Variants in MYO1B observed in about 807,000 individuals in gnomAD.
The protein encoded by MYO1B is myosin IB.
A neutral mutation model predicts 159.7 loss-of-function variants in MYO1B; 72 were observed. The ratio of observed to expected loss-of-function variants is 0.45; its 90% CI spans 0.37 to 0.55. The LOEUF (loss-of-function observed/expected upper bound fraction) is 0.55. Among genes scored for constraint, MYO1B ranks in the 20% least tolerant of loss-of-function variants. The pLI, the probability that MYO1B is intolerant of heterozygous loss-of-function variation, is 0.00. For synonymous variants in MYO1B, 468 were observed against 473.8 expected (o/e 0.99, Z 0.16); for missense variants, 1,062 against 1,364.8 (o/e 0.78, Z 3.50).
chr2:191,275,776 A>C (rs1308224944), intron 1 of MYO1B, among the ~76,000 whole-genome samples: 4 of 152,270 alleles, frequency 2.6e-5, no homozygotes, highest in African/African-American at 9.6e-5. Context: ...AAACATTTAG[A>C]GAGAATGGCC....
At chr2:191,260,238 T>C (rs1474495647) in intron 1 of MYO1B, among the ~76,000 whole-genome samples, 1 of 146,188 alleles carries the variant, frequency 6.8e-6, no homozygotes, top group Non-Finnish European at 1.5e-5. Context: ...ATAATATTAC[T>C]TTTTTCCCAG....
At chr2:191,382,597 T>C (rs1425824262) in intron 14 of MYO1B, among the ~76,000 whole-genome samples, 1 of 152,198 alleles carries the variant, frequency 6.6e-6, no homozygotes, top group East Asian at 1.9e-4. Flanking sequence ...TAAGAATATA[T>C]AGGAAGATTG....
chr2:191,400,586 G>C, intron 22 of MYO1B, 118 bp downstream of exon 22: 1 of 1,375,308 alleles, frequency 7.3e-7, no homozygotes, highest in South Asian at 1.2e-5. Context: ...GCACGTGTTT[G>C]CTTCTTGCTC....
At chr2:191,349,215 ATCC>A (rs1307323498) in intron 6 of MYO1B, among the ~76,000 whole-genome samples, 2 of 152,222 alleles carry the variant, frequency 1.3e-5, no homozygotes, top group African/African-American at 4.8e-5. Flanking sequence ...TGAGGGACAT[ATCC>A]TTATGAATAA....
At chr2:191,281,785 A>G (rs996862873) in intron 2 of MYO1B, among the ~76,000 whole-genome samples, 2 of 152,206 alleles carry the variant, frequency 1.3e-5, no homozygotes, top group Admixed American at 6.5e-5. Flanking sequence ...GACGAGAAGT[A>G]TATTTGGTGC....
intron 13 of MYO1B, among the ~76,000 whole-genome samples, chr2:191,375,719 G>A (rs1008111580): frequency 1.3e-5 from 2 of 152,090 alleles, no homozygotes; most frequent in African/African-American, 2.4e-5. Flanking sequence ...CCAGCACTTT[G>A]GGAGGCCAAG....
intron 6 of MYO1B, among the ~76,000 whole-genome samples, chr2:191,349,656 G>C (rs533549142): frequency 6.6e-6 from 1 of 152,298 alleles, no homozygotes; most frequent in East Asian, 1.9e-4. Flanking sequence ...AATGACCAGT[G>C]TGATTCTGAC....
chr2:191,298,028 G>C (rs1275942964), intron 3 of MYO1B, among the ~76,000 whole-genome samples: 1 of 152,210 alleles, frequency 6.6e-6, no homozygotes, highest in Non-Finnish European at 1.5e-5. Flanking sequence ...GATTTTCTCT[G>C]TATGATTAAA....
chr2:191,362,620 T>C (rs1693744041), intron 9 of MYO1B, among the ~76,000 whole-genome samples: 1 of 152,212 alleles, frequency 6.6e-6, no homozygotes, highest in South Asian at 2.1e-4. Context: ...CTTATTCTAT[T>C]ATCCTGGGGT....
chr2:191,304,502 G>A (rs1015674375), intron 3 of MYO1B, among the ~76,000 whole-genome samples: 4 of 152,080 alleles, frequency 2.6e-5, no homozygotes, highest in African/African-American at 9.7e-5. Flanking sequence ...CCCAGGAGGC[G>A]GAGGTTGCAG....
chr2:191,264,705 G>C (rs1687022109), intron 1 of MYO1B, among the ~76,000 whole-genome samples: 1 of 151,606 alleles, frequency 6.6e-6, no homozygotes, highest in African/African-American at 2.4e-5. Flanking sequence ...GCTTTCCTTT[G>C]CCTCTGAGTA....
At chr2:191,406,989 A>G (rs1696956657) in intron 24 of MYO1B, among the ~76,000 whole-genome samples, 1 of 152,192 alleles carries the variant, frequency 6.6e-6, no homozygotes, top group South Asian at 2.1e-4. Context: ...ATCAGATGGG[A>G]GGTGGATCAG....
At chr2:191,290,429 A>C (rs1688625520) in intron 2 of MYO1B, among the ~76,000 whole-genome samples, 1 of 152,242 alleles carries the variant, frequency 6.6e-6, no homozygotes. Flanking sequence ...TGTGTAGCAC[A>C]ATTTTTTAAA....
intron 24 of MYO1B, 159 bp from the exon 25 acceptor site, chr2:191,407,956 G>C (rs890142254): frequency 6.8e-6 from 3 of 441,352 alleles, no homozygotes; most frequent in Admixed American, 4.0e-5. Flanking sequence ...TCTGACTTAA[G>C]ATCCACTATA....
At chr2:191,400,295 C>G in intron 21 of MYO1B, 87 bp from the exon 22 acceptor site, 3 of 1,401,296 alleles carry the variant, frequency 2.1e-6, no homozygotes, top group Middle Eastern at 3.6e-4. Flanking sequence ...GGTGTTAGGA[C>G]GATCATCTCT....
At chr2:191,293,971 G>A (rs1228444220) in intron 2 of MYO1B, among the ~76,000 whole-genome samples, 1 of 152,170 alleles carries the variant, frequency 6.6e-6, no homozygotes, top group Non-Finnish European at 1.5e-5. Flanking sequence ...ATAATTAGAT[G>A]TGTTTCAGTG....
In MYO1B at chr2:191,248,317, G is replaced by A. The variant is rs141309911; in HGVS notation, c.-10+2691G>A. ...AGTTAAGTAACTTGCCCCTTACACC[G>A]TACAGATGCTCCTAGATTTACAATG... On this transcript the variant is annotated intron_variant, in intron 1 of 30. Transcript: ENST00000392318. Among the ~76,000 whole-genome samples the A allele has an allele frequency of 1.0e-3, 153 of 152,294 alleles. 1 individual carries two copies. In the East Asian group the frequency reaches 0.011, roughly 11 times the overall value.
Position 191,414,033 on chromosome 2 carries a change from A to AT in MYO1B, c.2874-8dup. 6 of 1,583,622 alleles carry AT rather than the reference A, an allele frequency of 3.8e-6. No individual in the cohort carries two copies. The highest frequency in any genetic ancestry group is 5.1e-6 in the Non-Finnish European group (6 of 1,168,294). On this transcript the variant is annotated splice_polypyrimidine_tract_variant and intron_variant, in intron 27 of 30. Coordinates refer to ENST00000392318, the MANE Select transcript of MYO1B (RefSeq NM_001130158.3). ...TTGAAACTATTTCTAATGTGCAGGA[A>AT]TTTTTTTCCTTTAGTGTTGGGCAAC...
chr2:191,384,302 T>A (rs1695273729), intron 15 of MYO1B, among the ~76,000 whole-genome samples: 1 of 152,244 alleles, frequency 6.6e-6, no homozygotes. Context: ...TGCAGTCTTT[T>A]TAGCAAGACC....
Sources: gnomAD v4.1 joint callset for allele counts (sites outside exome capture counted in the v4.1 genomes callset) on GRCh38, gnomAD v4.1.1 for gene constraint, MANE v1.5 for transcripts, NCBI Gene and HGNC (gene_info 2026-07-23, HGNC 2026-07-21) for gene names.